The following CNTNAP5 variants were observed in gnomAD, a reference collection of about 807,000 sequenced individuals.
The protein encoded by CNTNAP5 is contactin-associated protein-like 5.
Under a neutral mutation model 150.2 loss-of-function variants are expected in CNTNAP5, and 72 were observed. The ratio of observed to expected loss-of-function variants is 0.48; its 90% CI spans 0.40 to 0.58. The LOEUF (loss-of-function observed/expected upper bound fraction) is 0.58, where lower values mean the gene tolerates loss of function less well. CNTNAP5 is among the 20% of genes least tolerant of loss of function. The pLI, the probability that CNTNAP5 is intolerant of heterozygous loss-of-function variation, is 0.00. For missense variants in CNTNAP5, 1,636 were observed against 1,626.2 expected, an observed-to-expected ratio of 1.01 and a Z score of -0.10; for synonymous variants, 672 against 619.8, an observed-to-expected ratio of 1.08 and a Z score of -1.25.
intron 10 of CNTNAP5, among the ~76,000 whole-genome samples, chr2:124,534,641 A>T (rs1695187335): frequency 6.6e-6 from 1 of 152,180 alleles, no homozygotes; most frequent in African/African-American, 2.4e-5. Flanking sequence ...TTGGGAGGCC[A>T]AGGCAGGTGG....
intron 3 of CNTNAP5, among the ~76,000 whole-genome samples, chr2:124,398,882 A>G (rs1465189202): frequency 1.3e-5 from 2 of 152,160 alleles, no homozygotes; most frequent in African/African-American, 2.4e-5. Context: ...GTGATCCAGG[A>G]AGGACACGAT....
chr2:124,325,565 G>A (rs1689195255), intron 3 of CNTNAP5, among the ~76,000 whole-genome samples: 1 of 152,130 alleles, frequency 6.6e-6, no homozygotes, highest in Non-Finnish European at 1.5e-5. Context: ...AAGATAAACT[G>A]GTAGAAAGGC....
At chr2:124,031,242 C>A (rs138939783) in intron 1 of CNTNAP5, among the ~76,000 whole-genome samples, 1 of 152,070 alleles carries the variant, frequency 6.6e-6, no homozygotes, top group African/African-American at 2.4e-5. Context: ...GTCTCCTCAA[C>A]TAGGATGCAA....
At chr2:124,405,285 GTC>G (rs775708202) in intron 3 of CNTNAP5, among the ~76,000 whole-genome samples, 4 of 152,146 alleles carry the variant, frequency 2.6e-5, no homozygotes, top group Admixed American at 6.5e-5. Flanking sequence ...GGAACAGGGT[GTC>G]TCTTTTAGTG....
intron 1 of CNTNAP5, among the ~76,000 whole-genome samples, chr2:124,153,200 A>T (rs2104636915): frequency 6.6e-6 from 1 of 152,328 alleles, no homozygotes; most frequent in South Asian, 2.1e-4. Context: ...AAAAGATGGA[A>T]ACAAACTGAA....
rs376731328 is a variant in CNTNAP5, at chr2:124,234,180, A to G, written c.188-8020A>G. The stretch of plus-strand genomic sequence containing the variant: ...CCTTGCTGCTGAATCTTCTATATAT[A>G]TATAAAATCAGGTATACATAATCCA... On this transcript the variant is annotated intron_variant, in intron 2 of 23. Transcript: ENST00000682447. Among the ~76,000 whole-genome samples the G allele has an allele frequency of 1.6e-4, 24 of 152,260 alleles. No homozygotes were observed. The South Asian group carries it at 2.7e-3, about 17-fold the overall frequency.
intron 12 of CNTNAP5, among the ~76,000 whole-genome samples, chr2:124,623,942 A>G (rs1311984094): frequency 6.6e-6 from 1 of 152,246 alleles, no homozygotes; most frequent in East Asian, 1.9e-4. Flanking sequence ...TTTTAGGCTG[A>G]AGAATAGTAA....
intron 4 of CNTNAP5, among the ~76,000 whole-genome samples, chr2:124,429,253 T>TC (rs1182226912): frequency 6.6e-6 from 1 of 152,214 alleles, no homozygotes; most frequent in Non-Finnish European, 1.5e-5. Flanking sequence ...CTGTTTTTTT[T>TC]CATGTGCTAT....
Position 124,903,032 on chromosome 2 carries a change from C to A in CNTNAP5, c.3587C>A (p.Thr1196Lys), listed in dbSNP as rs34165507. The A allele has an allele frequency of 2.5e-6, 4 of 1,607,712 alleles. No individual in the cohort carries two copies. In the South Asian group the frequency reaches 4.4e-5, roughly 18 times the overall value. The change falls in exon 22 of 24, where the codon ACG (threonine) becomes AAG (lysine). Residue 1196 changes from threonine to lysine, a missense_variant. Physicochemically the swap from Thr to Lys is moderately conservative, Grantham distance 78. Transcript: ENST00000682447. ...CCTGTGACTGTCCATGGGACCTTGACGGAATCCAGCTGTGGCTTCATGGTG... is the reference window on the plus strand; with the variant it reads ...CCTGTGACTGTCCATGGGACCTTGAAGGAATCCAGCTGTGGCTTCATGGTG... ...VAPVTVHGTL[T>K]ESSCGFMVDS... is the part of the protein sequence containing the mutation.
chr2:124,072,247 A>G (rs79908111), intron 1 of CNTNAP5, among the ~76,000 whole-genome samples: 2,115 of 151,832 alleles, frequency 0.014, 55 homozygotes, highest in African/African-American at 0.049. Context: ...GCCATGTATG[A>G]CAGACCCACA....
intron 12 of CNTNAP5, among the ~76,000 whole-genome samples, chr2:124,641,126 C>CAAAA (rs78602781): frequency 2.0e-5 from 2 of 98,498 alleles, no homozygotes; most frequent in East Asian, 3.7e-4. Context: ...AACTCCATCT[C>CAAAA]AAAAAAAAAA....
intron 17 of CNTNAP5, among the ~76,000 whole-genome samples, chr2:124,780,444 G>A (rs1461807883): frequency 5.9e-5 from 9 of 152,320 alleles, no homozygotes; most frequent in Non-Finnish European, 4.4e-5. Context: ...CCACACACTA[G>A]TGTACTTGGA....
chr2:124,315,369 G>C (rs1184861777), intron 3 of CNTNAP5, among the ~76,000 whole-genome samples: 1 of 152,028 alleles, frequency 6.6e-6, no homozygotes, highest in Non-Finnish European at 1.5e-5. Flanking sequence ...AAATTTGAAG[G>C]CTAAAAGGGA....
intron 8 of CNTNAP5, among the ~76,000 whole-genome samples, chr2:124,523,261 C>T (rs2104885622): frequency 6.6e-6 from 1 of 152,260 alleles, no homozygotes; most frequent in Non-Finnish European, 1.5e-5. Context: ...AAACATTGTC[C>T]TCTTTGCAAG....
intron 13 of CNTNAP5, among the ~76,000 whole-genome samples, chr2:124,686,992 T>G (rs1055261546): frequency 2.0e-5 from 3 of 151,828 alleles, no homozygotes; most frequent in African/African-American, 7.3e-5. Context: ...GCCCTGTGGG[T>G]GTAGAGCACT....
chr2:124,768,918 A>G (rs1681128773), intron 16 of CNTNAP5, among the ~76,000 whole-genome samples: 1 of 152,176 alleles, frequency 6.6e-6, no homozygotes, highest in Non-Finnish European at 1.5e-5. Context: ...TGAAGAGATT[A>G]TGTCCCTGAA....
intron 10 of CNTNAP5, among the ~76,000 whole-genome samples, chr2:124,529,880 C>T (rs535488478): frequency 6.6e-5 from 10 of 152,260 alleles, no homozygotes; most frequent in African/African-American, 2.2e-4. Context: ...GGTTGTCCTA[C>T]CCCTTCTTTT....
At chr2:124,110,853 C>T (rs1401042691) in intron 1 of CNTNAP5, among the ~76,000 whole-genome samples, 1 of 152,130 alleles carries the variant, frequency 6.6e-6, no homozygotes, top group Non-Finnish European at 1.5e-5. Flanking sequence ...CATCTATTAC[C>T]TCATTTGATC....
chr2:124,614,207 A>G (rs1558704875), intron 12 of CNTNAP5, among the ~76,000 whole-genome samples: 1 of 152,162 alleles, frequency 6.6e-6, no homozygotes, highest in African/African-American at 2.4e-5. Context: ...ACTACATAAC[A>G]CTGGTTTTAT....
Sources: allele counts gnomAD v4.1 joint callset (sites outside exome capture counted in the v4.1 genomes callset), GRCh38; gene constraint gnomAD v4.1.1; transcripts MANE v1.5; gene names NCBI Gene and HGNC (gene_info 2026-07-23, HGNC 2026-07-21).